DNAH9: variants seen among roughly 807,000 people sequenced by gnomAD.
DNAH9 encodes dynein axonemal heavy chain 9.
In DNAH9, 345 loss-of-function variants were observed where a neutral mutation model predicts 471.6. The ratio of observed to expected loss-of-function variants is 0.73; its 90% CI spans 0.67 to 0.80. DNAH9 has a LOEUF of 0.80. Ranked by LOEUF, DNAH9 falls within the 30% of genes least tolerant of loss-of-function variation. The pLI is 0.00. For synonymous variants in DNAH9, 2,093 were observed against 2,123.6 expected, an observed-to-expected ratio of 0.99 and a Z score of 0.40; for missense variants, 5,407 against 5,609.2, an observed-to-expected ratio of 0.96 and a Z score of 1.15.
At chr17:11,806,471 G>A (rs970544347) in intron 43 of DNAH9, among the ~76,000 whole-genome samples, 1 of 151,926 alleles carries the variant, frequency 6.6e-6, no homozygotes, top group African/African-American at 2.4e-5. Context: ...ACACAATGTT[G>A]GTATTCTACA....
chr17:11,737,128 G>A (rs1371853771), intron 28 of DNAH9, among the ~76,000 whole-genome samples: 1 of 152,220 alleles, frequency 6.6e-6, no homozygotes, highest in Non-Finnish European at 1.5e-5. Flanking sequence ...GCCTGCTTCT[G>A]CCAGGATGGC....
chr17:11,957,288 G>A (rs1319737651), intron 67 of DNAH9, among the ~76,000 whole-genome samples: 1 of 152,012 alleles, frequency 6.6e-6, no homozygotes, highest in African/African-American at 2.4e-5. Flanking sequence ...GAAAACCCCT[G>A]ATCCACAAAG....
chr17:11,886,795 A>G (rs1356243663), intron 56 of DNAH9, 30 bp from the exon 57 acceptor site: 3 of 1,593,814 alleles, frequency 1.9e-6, no homozygotes, highest in East Asian at 4.5e-5. Context: ...GTTGGTTGGA[A>G]CAGTGGGCTG....
In DNAH9 at chr17:11,803,993, G is replaced by A. The variant is rs146409401; in HGVS notation, c.8421-3739G>A. Among the ~76,000 whole-genome samples, 121 of 152,312 alleles carry A rather than the reference G, an allele frequency of 7.9e-4. 2 individuals are homozygous for A. The highest frequency in any genetic ancestry group is 2.7e-3 in the African/African-American group (114 of 41,562). On this transcript the variant is annotated intron_variant, in intron 43 of 68. Coordinates refer to ENST00000262442, the MANE Select transcript of DNAH9 (RefSeq NM_001372.4). ...TGCACCCAGCGTAATGAATCATTGC[G>A]TACATCACCCCAAATGTGGAGCTCA...
intron 19 of DNAH9, among the ~76,000 whole-genome samples, chr17:11,686,821 T>C (rs1326627720): frequency 6.6e-6 from 1 of 152,234 alleles, no homozygotes; most frequent in African/African-American, 2.4e-5. Flanking sequence ...GCTCCTATCT[T>C]ACCTAAAAAG....
intron 61 of DNAH9, among the ~76,000 whole-genome samples, chr17:11,918,767 C>T (rs1226684839): frequency 2.0e-5 from 3 of 152,062 alleles, no homozygotes; most frequent in Non-Finnish European, 4.4e-5. Context: ...ACGCGGATCA[C>T]CTGAGGTCAG....
At chr17:11,900,937 C>T (rs763237992) in intron 59 of DNAH9, among the ~76,000 whole-genome samples, 6 of 152,152 alleles carry the variant, frequency 3.9e-5, no homozygotes, top group Non-Finnish European at 8.8e-5. Context: ...TAGAACAGAC[C>T]TCCTACACAC....
In DNAH9 at chr17:11,635,333, A is replaced by ATTT. The variant is rs746022574; in HGVS notation, c.1636-1275_1636-1273dup. 3.3e-4 allele frequency among the ~76,000 whole-genome samples: 31 copies of ATTT among 94,660 alleles called. 2 individuals are homozygous for ATTT. The highest frequency in any genetic ancestry group is 6.5e-4 in the African/African-American group (17 of 25,986). 62.1% of individuals were successfully genotyped at this position (94,660 alleles called of 152,430 possible). A position where few individuals can be genotyped will look rare whatever the true frequency, so the allele number is the denominator to read the frequency against. ...AGGCACACGCCACCATGACTCGCTA[A>ATTT]TTTTTTTTTTTTTTTTTTTTTTTTT... is the stretch of plus-strand genomic sequence containing the variant. On this transcript the variant is annotated intron_variant, in intron 8 of 68. Transcript: ENST00000262442.
chr17:11,740,054 C>T (rs1018744285), intron 29 of DNAH9, among the ~76,000 whole-genome samples: 2 of 152,156 alleles, frequency 1.3e-5, no homozygotes, highest in Non-Finnish European at 1.5e-5. Context: ...GCTGGGGTGA[C>T]GGGGCCTTCT....
chr17:11,771,137 T>A (rs1567790563), intron 38 of DNAH9, among the ~76,000 whole-genome samples: 1 of 152,240 alleles, frequency 6.6e-6, no homozygotes, highest in Non-Finnish European at 1.5e-5. Flanking sequence ...TTTATTTATT[T>A]ATTTTTGAGA....
At chr17:11,627,008 T>G (rs1221861053) in intron 6 of DNAH9, among the ~76,000 whole-genome samples, 1 of 152,048 alleles carries the variant, frequency 6.6e-6, no homozygotes, top group South Asian at 2.1e-4. Context: ...TATAATATAA[T>G]GCCAAATAAT....
chr17:11,864,586 T>C (rs897481914), intron 50 of DNAH9, among the ~76,000 whole-genome samples: 12 of 152,234 alleles, frequency 7.9e-5, no homozygotes, highest in African/African-American at 2.9e-4. Flanking sequence ...TTGTTGACTT[T>C]CTGTCTCGCT....
chr17:11,792,395 C>A (rs1241774557), intron 41 of DNAH9, among the ~76,000 whole-genome samples: 1 of 152,136 alleles, frequency 6.6e-6, no homozygotes, highest in Non-Finnish European at 1.5e-5. Flanking sequence ...TTAAATGATC[C>A]CTTTCCCTCT....
intron 39 of DNAH9, among the ~76,000 whole-genome samples, chr17:11,782,630 C>G (rs945146188): frequency 1.3e-5 from 2 of 152,188 alleles, no homozygotes; most frequent in African/African-American, 4.8e-5. Context: ...GGTGCAGTGG[C>G]TTATGCCTGT....
chr17:11,926,162 G>C (rs765822468), intron 62 of DNAH9, among the ~76,000 whole-genome samples: 12 of 151,486 alleles, frequency 7.9e-5, no homozygotes, highest in Non-Finnish European at 1.5e-4. Flanking sequence ...ATATCAATAG[G>C]CTAATGGTTC....
chr17:11,755,426 A>C (rs935132960), intron 33 of DNAH9, among the ~76,000 whole-genome samples: 4 of 152,156 alleles, frequency 2.6e-5, no homozygotes, highest in African/African-American at 9.7e-5. Context: ...ATGGTCATTT[A>C]ATGAGTTTGA....
intron 51 of DNAH9, 36 bp downstream of exon 51, chr17:11,869,289 T>C (rs112502964): frequency 6.2e-6 from 10 of 1,608,190 alleles, no homozygotes; most frequent in African/African-American, 5.3e-5. Flanking sequence ...GCTGTAATTA[T>C]ATTAGCAGGC....
rs548575288 is a variant in DNAH9, at chr17:11,747,439, C to G, written c.6400-117C>G. On this transcript the variant is annotated intron_variant, in intron 31 of 68. Coordinates refer to ENST00000262442, the MANE Select transcript of DNAH9 (RefSeq NM_001372.4). ...CCTCCTGACATCTTGGGGTAGATAA[C>G]TCTTCCTCTGTTGACTTCAGGTCTC... is the stretch of plus-strand genomic sequence containing the variant. 6.8e-4 allele frequency: 503 copies of G among 740,130 alleles called. 7 individuals are homozygous for G. The South Asian group carries it at 8.0e-3, about 12-fold the overall frequency. The allele number at this position is 740,130 out of a possible 1,614,324, so 45.8% of individuals were successfully genotyped here.
intron 34 of DNAH9, among the ~76,000 whole-genome samples, chr17:11,757,067 TAA>T (rs543405407): frequency 3.3e-5 from 5 of 152,054 alleles, no homozygotes; most frequent in Middle Eastern, 3.4e-3. Flanking sequence ...AAATCAAACT[TAA>T]AGAAGCAGGG....
Sources: gnomAD v4.1 joint callset for allele counts (sites outside exome capture counted in the v4.1 genomes callset) on GRCh38, gnomAD v4.1.1 for gene constraint, MANE v1.5 for transcripts, NCBI Gene and HGNC (gene_info 2026-07-23, HGNC 2026-07-21) for gene names.